Variants in RAB11FIP3 observed in about 807,000 individuals in gnomAD.
RAB11FIP3 encodes RAB11 family interacting protein 3, also known as rab11 family-interacting protein 3.
RAB11FIP3 carries 17 observed loss-of-function variants against 77.8 expected under a neutral mutation model. That is an observed-to-expected ratio of 0.22 (90% CI 0.15 to 0.33). The LOEUF (loss-of-function observed/expected upper bound fraction) is 0.33. Among genes scored for constraint, RAB11FIP3 ranks in the 10% least tolerant of loss-of-function variants. RAB11FIP3 has a pLI of 1.00. For missense variants in RAB11FIP3, 1,005 were observed against 1,011.2 expected (o/e 0.99, Z 0.08); for synonymous variants, 437 against 448.2 (o/e 0.98, Z 0.31).
intron 9 of RAB11FIP3, among the ~76,000 whole-genome samples, chr16:515,503 A>G (rs1003977717): frequency 2.0e-5 from 3 of 151,860 alleles, no homozygotes; most frequent in Admixed American, 1.3e-4. Context: ...CGGGGTTCGC[A>G]TCTCGGAGCA....
chr16:459,397 A>AT (rs2055564733), intron 1 of RAB11FIP3, among the ~76,000 whole-genome samples: 1 of 142,652 alleles, frequency 7.0e-6, no homozygotes, highest in African/African-American at 2.6e-5. Context: ...AAGTGCTGGG[A>AT]TTATAGGCGT....
At chr16:462,513 T>C (rs1019055942) in intron 2 of RAB11FIP3, among the ~76,000 whole-genome samples, 6 of 152,100 alleles carry the variant, frequency 3.9e-5, no homozygotes, top group African/African-American at 1.4e-4. Context: ...GGTGCTGGGA[T>C]TACAGGCATG....
intron 1 of RAB11FIP3, among the ~76,000 whole-genome samples, chr16:447,114 G>A (rs538398044): frequency 6.6e-6 from 1 of 152,194 alleles, no homozygotes; most frequent in African/African-American, 2.4e-5. Context: ...AGACCAGCCT[G>A]AACAATATAG....
intron 1 of RAB11FIP3, among the ~76,000 whole-genome samples, chr16:457,576 C>T (rs1338570644): frequency 6.6e-6 from 1 of 151,732 alleles, no homozygotes. Flanking sequence ...GAACTATCCC[C>T]AAATCATCAA....
chr16:429,701 T>C (rs1164478251), intron 1 of RAB11FIP3, among the ~76,000 whole-genome samples: 1 of 152,076 alleles, frequency 6.6e-6, no homozygotes, highest in Non-Finnish European at 1.5e-5. Flanking sequence ...TTTTGCCATG[T>C]TGGCCAGGCT....
chr16:516,044 G>A (rs952218779), intron 9 of RAB11FIP3, among the ~76,000 whole-genome samples: 3 of 152,180 alleles, frequency 2.0e-5, no homozygotes, highest in Non-Finnish European at 2.9e-5. Context: ...TGCCTGTCCC[G>A]GGCACCCCGT....
intron 1 of RAB11FIP3, among the ~76,000 whole-genome samples, chr16:449,687 C>T (rs1475700839): frequency 1.3e-5 from 2 of 151,108 alleles, no homozygotes; most frequent in East Asian, 3.9e-4. Flanking sequence ...TGCAGTGGCT[C>T]ACAGCTATAA....
chr16:434,208 G>A (rs62033161), intron 1 of RAB11FIP3, among the ~76,000 whole-genome samples: 1 of 151,822 alleles, frequency 6.6e-6, no homozygotes, highest in African/African-American at 2.4e-5. Context: ...TGCAACCTTC[G>A]CCTCCTGGGT....
At chr16:467,060 G>A (rs568665289) in intron 2 of RAB11FIP3, among the ~76,000 whole-genome samples, 7 of 152,326 alleles carry the variant, frequency 4.6e-5, no homozygotes, top group South Asian at 4.1e-4. Flanking sequence ...GCTCTGGGAC[G>A]TAGCACGAAA....
rs992262162 is a variant in RAB11FIP3, at chr16:507,344, C to T, written c.1499+1717C>T. Reference sequence around the variant, plus strand: ...ACCAGGCTGGTCTTGAACTCCTGACCTTGTGATCTGCCTGCCTCAGCCTCC... The same window carrying T: ...ACCAGGCTGGTCTTGAACTCCTGACTTTGTGATCTGCCTGCCTCAGCCTCC... On this transcript the variant is annotated intron_variant, in intron 8 of 13. Transcript: ENST00000262305. The surrounding 1 kb of genome is among the most constrained non-coding windows in gnomAD (Gnocchi z 4.6). 2.0e-5 allele frequency among the ~76,000 whole-genome samples: 3 copies of T among 152,194 alleles called. No homozygotes were observed. The highest frequency in any genetic ancestry group is 6.5e-5 in the Admixed American group (1 of 15,280).
intron 6 of RAB11FIP3, among the ~76,000 whole-genome samples, chr16:501,674 C>T (rs1431046264): frequency 1.4e-5 from 2 of 139,674 alleles, no homozygotes; most frequent in African/African-American, 2.8e-5. Context: ...GAGAGGCTCC[C>T]CCCATTTCAT....
At chr16:482,292 G>T (rs1047295102) in intron 3 of RAB11FIP3, 4 of 676,224 alleles carry the variant, frequency 5.9e-6, no homozygotes, top group Non-Finnish European at 1.1e-5. Context: ...CTGGGTTCAA[G>T]CGATCCACCC....
chr16:515,553 C>T (rs2032367037), intron 9 of RAB11FIP3, among the ~76,000 whole-genome samples: 1 of 151,690 alleles, frequency 6.6e-6, no homozygotes, highest in African/African-American at 2.4e-5. Flanking sequence ...CATCTTGGAG[C>T]AGCCACACGG....
At chr16:474,771 G>C in intron 3 of RAB11FIP3, 1 of 1,365,204 alleles carries the variant, frequency 7.3e-7, no homozygotes. Context: ...AGCCCTGACT[G>C]ACTAACCGTT....
chr16:431,754 G>A lies in RAB11FIP3; in HGVS notation c.714+5034G>A, dbSNP rs373561678. On this transcript the variant is annotated intron_variant, in intron 1 of 13. Transcript: ENST00000262305. ...CAATTGAGATCATATTGGGGTAGAA[G>A]CTAAATTTTTTTTTTTTTTTGAGAT... 2.4e-4 allele frequency among the ~76,000 whole-genome samples: 37 copies of A among 151,126 alleles called. No homozygotes were observed. The East Asian group carries it at 6.1e-3, about 25-fold the overall frequency.
At chr16:492,623 A>T (rs944602129) in intron 5 of RAB11FIP3, among the ~76,000 whole-genome samples, 12 of 150,640 alleles carry the variant, frequency 8.0e-5, no homozygotes, top group African/African-American at 2.7e-4. Flanking sequence ...CTAGGGGTTC[A>T]AGGCCCGGCG....
In RAB11FIP3 at chr16:481,511, C is replaced by CA. The variant is rs1275931986; in HGVS notation, c.904-1005dup. Among the ~76,000 whole-genome samples the CA allele has an allele frequency of 7.5e-4, 113 of 150,016 alleles. 2 individuals carry two copies. The highest frequency in any genetic ancestry group is 3.5e-3 in the Middle Eastern group (1 of 288). On this transcript the variant is annotated intron_variant, in intron 3 of 13. Transcript: ENST00000262305. The stretch of plus-strand genomic sequence containing the variant: ...GGGCGATAAGAGTGAGACCCTGTCT[C>CA]AAAAAAAAACCCCCAAAAAACAAAA...
rs374083961 is a variant in RAB11FIP3 at position 482,689 on chromosome 16, C to T, written c.1068C>T (p.Asp356=). ...GGSAVPSECL[D]AMEEPDHGAL... ...CGGCCGTGCCCTCTGAGTGCCTGGA[C>T]GCCATGGAGGAGCCCGACCATGGTG... The change falls in exon 4 of 14, where the codon GAC becomes GAT. Residue 356 remains aspartate (D), a synonymous_variant. Coordinates refer to ENST00000262305, the MANE Select transcript of RAB11FIP3 (RefSeq NM_014700.4). 35 of 1,612,124 alleles carry T rather than the reference C, an allele frequency of 2.2e-5. 1 individual carries two copies. The highest frequency in any genetic ancestry group is 5.0e-5 in the Admixed American group (3 of 59,956).
intron 1 of RAB11FIP3, among the ~76,000 whole-genome samples, chr16:448,174 G>A (rs951309188): frequency 6.6e-6 from 1 of 151,254 alleles, no homozygotes; most frequent in Non-Finnish European, 1.5e-5. Flanking sequence ...AAAATTAGCC[G>A]AGCGTGGTGG....
Sources: allele counts gnomAD v4.1 joint callset (sites outside exome capture counted in the v4.1 genomes callset), GRCh38; gene constraint gnomAD v4.1.1; non-coding constraint Gnocchi (gnomAD v3.1); transcripts MANE v1.5; gene names NCBI Gene and HGNC (gene_info 2026-07-23, HGNC 2026-07-21).